PCDH15: variants seen among roughly 807,000 people sequenced by gnomAD.
The protein encoded by PCDH15 is protocadherin related 15.
PCDH15 carries 129 observed loss-of-function variants against 178.5 expected under a neutral mutation model. The ratio of observed to expected loss-of-function variants is 0.72; its 90% CI spans 0.63 to 0.84. PCDH15 has a LOEUF of 0.84. PCDH15 is among the 40% of genes least tolerant of loss of function. The pLI, the probability that PCDH15 is intolerant of heterozygous loss-of-function variation, is 0.00. For missense variants in PCDH15, 2,230 were observed against 2,099.9 expected, an observed-to-expected ratio of 1.06 and a Z score of -1.21; for synonymous variants, 800 against 732.0, an observed-to-expected ratio of 1.09 and a Z score of -1.50.
chr10:54,151,070 AG>A, intron 14 of PCDH15, among the ~76,000 whole-genome samples: 1 of 152,302 alleles, frequency 6.6e-6, no homozygotes, highest in Non-Finnish European at 1.5e-5. Flanking sequence ...ATCTGAGAAA[AG>A]CACCATTACT....
chr10:53,919,355 A>G (rs1268966988), intron 25 of PCDH15, among the ~76,000 whole-genome samples: 4 of 152,244 alleles, frequency 2.6e-5, no homozygotes, highest in African/African-American at 9.6e-5. Flanking sequence ...TGACAAATTT[A>G]GGAAAAACAA....
chr10:54,746,282 C>A lies in PCDH15; in HGVS notation c.-29+54643G>T, dbSNP rs188948508. Among the ~76,000 whole-genome samples the A allele has an allele frequency of 8.5e-4, 129 of 151,786 alleles. 4 individuals carry two copies. In the East Asian group the frequency reaches 0.023, roughly 27 times the overall value. On this transcript the variant is annotated intron_variant, in intron 1 of 37. Coordinates refer to ENST00000644397, the MANE Select transcript of PCDH15 (RefSeq NM_001384140.1). ...GCACTGTCAAATGTCCTTTTGGGGGCAAAATAATTGTCTGTTAAGATATAC... is the reference window on the plus strand; with the variant it reads ...GCACTGTCAAATGTCCTTTTGGGGGAAAAATAATTGTCTGTTAAGATATAC...
At chr10:54,799,936 T>A (rs1240140785) in intron 1 of PCDH15, among the ~76,000 whole-genome samples, 1 of 152,182 alleles carries the variant, frequency 6.6e-6, no homozygotes. Flanking sequence ...CATTTTGCGC[T>A]CAAAATATGC....
At chr10:53,826,352 T>C (rs1439237318) in intron 32 of PCDH15, among the ~76,000 whole-genome samples, 3 of 152,058 alleles carry the variant, frequency 2.0e-5, no homozygotes, top group African/African-American at 7.2e-5. Flanking sequence ...ACATTATTAA[T>C]ATGGTAAGTA....
At chr10:53,836,591 G>A (rs376227421) in intron 29 of PCDH15, among the ~76,000 whole-genome samples, 4 of 152,330 alleles carry the variant, frequency 2.6e-5, no homozygotes, top group Admixed American at 1.3e-4. Context: ...CACAGTGGAA[G>A]TAATAATTGC....
chr10:53,845,472 A>AC (rs1213129291), intron 28 of PCDH15, among the ~76,000 whole-genome samples: 12 of 151,998 alleles, frequency 7.9e-5, no homozygotes. Context: ...TATGGAATCA[A>AC]CCAAAATGTT....
chr10:54,195,920 A>T (rs781614843), intron 10 of PCDH15, 31 bp from the exon 11 acceptor site: 15 of 1,585,488 alleles, frequency 9.5e-6, no homozygotes, highest in Non-Finnish European at 1.3e-5. Flanking sequence ...AAATATTTAG[A>T]AAGTATATGT....
rs1177470642 is a variant in PCDH15 at position 54,207,189 on chromosome 10, G to T, written c.1098+6747C>A. The stretch of plus-strand genomic sequence containing the variant: ...ATTCTATTTCTGTTCTAACACTGCT[G>T]CATGAATAACGATATGAGACAAGAG... On this transcript the variant is annotated intron_variant, in intron 10 of 37. Transcript: ENST00000644397. Among the ~76,000 whole-genome samples, 4 of 152,078 alleles carry T rather than the reference G, an allele frequency of 2.6e-5. No homozygotes were observed. The East Asian group carries it at 7.7e-4, about 29-fold the overall frequency.
chr10:54,384,095 A>G (rs1434929109), intron 3 of PCDH15, among the ~76,000 whole-genome samples: 6 of 151,234 alleles, frequency 4.0e-5, no homozygotes, highest in Non-Finnish European at 7.4e-5. Flanking sequence ...CGGCCTCCCA[A>G]CGTGCTGGGA....
At chr10:55,222,730 C>CACACAT in intron 1 of PCDH15, among the ~76,000 whole-genome samples, 2 of 121,274 alleles carry the variant, frequency 1.6e-5, no homozygotes, top group East Asian at 2.4e-4. Context: ...CACACACACA[C>CACACAT]ATATATATAT....
chr10:54,658,836 T>C (rs1352074779), intron 2 of PCDH15, among the ~76,000 whole-genome samples: 12 of 152,286 alleles, frequency 7.9e-5, no homozygotes, highest in South Asian at 4.1e-4. Context: ...ACATAAAAGA[T>C]ATCATTTTGC....
chr10:53,815,998 A>G (rs932635864), intron 35 of PCDH15, among the ~76,000 whole-genome samples: 1 of 152,190 alleles, frequency 6.6e-6, no homozygotes, highest in African/African-American at 2.4e-5. Context: ...TTTATTAGGA[A>G]TAATGGGCTT....
At chr10:53,919,257 C>T (rs1352490694) in intron 25 of PCDH15, among the ~76,000 whole-genome samples, 1 of 152,136 alleles carries the variant, frequency 6.6e-6, no homozygotes, top group Non-Finnish European at 1.5e-5. Context: ...ATTCTGCCTA[C>T]AAGAGGCATA....
chr10:54,150,322 A>G (rs1438713425), intron 14 of PCDH15, among the ~76,000 whole-genome samples: 1 of 152,148 alleles, frequency 6.6e-6, no homozygotes, highest in Admixed American at 6.6e-5. Flanking sequence ...CTCTGTGATT[A>G]ATGATGATCA....
chr10:54,053,031 CTG>C (rs1348851934), intron 18 of PCDH15, among the ~76,000 whole-genome samples: 2 of 152,164 alleles, frequency 1.3e-5, no homozygotes, highest in Non-Finnish European at 2.9e-5. Flanking sequence ...CTATGTGGAA[CTG>C]TGAGTTAATT....
chr10:54,624,321 A>G (rs2094457076), intron 2 of PCDH15, among the ~76,000 whole-genome samples: 1 of 152,230 alleles, frequency 6.6e-6, no homozygotes. Context: ...CCACTTGTCT[A>G]GAGTTTAAAA....
intron 26 of PCDH15, among the ~76,000 whole-genome samples, chr10:53,885,692 A>T (rs987510022): frequency 6.6e-6 from 1 of 152,174 alleles, no homozygotes; most frequent in Non-Finnish European, 1.5e-5. Flanking sequence ...TGCCTCACAC[A>T]TTTTAATCTG....
intron 1 of PCDH15, among the ~76,000 whole-genome samples, chr10:55,254,765 T>A (rs949352075): frequency 9.2e-5 from 14 of 152,172 alleles, no homozygotes; most frequent in Admixed American, 3.3e-4. Flanking sequence ...GCTTATGTAA[T>A]TTGAAATACA....
chr10:54,555,983 C>T (rs1258115810), intron 2 of PCDH15, among the ~76,000 whole-genome samples: 1 of 151,986 alleles, frequency 6.6e-6, no homozygotes, highest in Non-Finnish European at 1.5e-5. Context: ...AGGACAAAAG[C>T]CAGCAGTTGT....
Sources: allele counts gnomAD v4.1 joint callset (sites outside exome capture counted in the v4.1 genomes callset), GRCh38; gene constraint gnomAD v4.1.1; transcripts MANE v1.5; gene names NCBI Gene and HGNC (gene_info 2026-07-23, HGNC 2026-07-21).